Variants in IBA57 observed in about 807,000 individuals in gnomAD.
IBA57 encodes the protein iron-sulfur cluster assembly factor IBA57, also known as iron-sulfur cluster assembly factor IBA57, mitochondrial.
In IBA57, 20 loss-of-function variants were observed where a neutral mutation model predicts 20.4. The observed-to-expected ratio is 0.98, with a 90% CI of 0.69 to 1.42. IBA57 has a LOEUF of 1.42. Ranked by LOEUF, IBA57 falls within the 40% of genes most tolerant of loss-of-function variation. The probability of loss-of-function intolerance (pLI) is 0.00; values close to 1 mark genes in which losing one functional copy is unlikely to be tolerated. For missense variants in IBA57, 608 were observed against 499.3 expected (o/e 1.22, Z -2.07); for synonymous variants, 310 against 233.9 (o/e 1.33, Z -2.97).
Position 228,177,939 on chromosome 1 carries a change from G to A in IBA57, c.*2426G>A, listed in dbSNP as rs189360542. 50 of 152,362 alleles carry A rather than the reference G, an allele frequency of 3.3e-4. No homozygotes were observed. Among genetic ancestry groups the A allele is most frequent in the African/African-American group, 1.1e-3 (45 of 41,580 alleles). The allele number at this position is 152,362 out of a possible 1,614,324, so 9.4% of individuals were successfully genotyped here. A position where few individuals can be genotyped will look rare whatever the true frequency, so the allele number is the denominator to read the frequency against. ...CTGGGATCTGCTGAGAGCTGGTGTA[G>A]CCGCTCCAAAACTGCACACTGCTTT... On this transcript the variant is annotated 3_prime_UTR_variant, in exon 3 of 3. Coordinates refer to ENST00000366711, the MANE Select transcript of IBA57 (RefSeq NM_001010867.4).
chr1:228,175,270 C>A lies in IBA57; in HGVS notation c.828C>A (p.Arg276=), dbSNP rs1261528665. 5.6e-6 allele frequency: 9 copies of A among 1,612,760 alleles called. No individual in the cohort carries two copies. In the African/African-American group the frequency reaches 6.7e-5, roughly 12 times the overall value. The change falls in exon 3 of 3, where the codon CGC becomes CGA. Residue 276 remains arginine, a synonymous_variant. Transcript: ENST00000366711. ...GCACCCACCACATGGGCGTCATCCG[C>A]AAGCGCCTCTTCCCTGTCCGGTTCT... ...TARTHHMGVI[R]KRLFPVRFLD...
rs1383081166 is a variant in IBA57, at chr1:228,181,613, C to T, written c.*6100C>T. ...GTTGTGTGTACATACATTTTCCTGT[C>T]TTTCTGGTAAGCCCCTGGGGTGGAG... is the stretch of plus-strand genomic sequence containing the variant. On this transcript the variant is annotated 3_prime_UTR_variant, in exon 3 of 3. Transcript: ENST00000366711. 3 of 152,248 alleles carry T rather than the reference C, an allele frequency of 2.0e-5. No individual in the cohort carries two copies. The highest frequency in any genetic ancestry group is 4.4e-5 in the Non-Finnish European group (3 of 68,054). The allele number at this position is 152,248 out of a possible 1,614,324, so 9.4% of individuals were successfully genotyped here. A position where few individuals can be genotyped will look rare whatever the true frequency, so the allele number is the denominator to read the frequency against.
At chr1:228,168,673 T>C (rs146991361) in intron 1 of IBA57, among the ~76,000 whole-genome samples, 1 of 152,122 alleles carries the variant, frequency 6.6e-6, no homozygotes, top group South Asian at 2.1e-4. Context: ...TTGTGCTGGG[T>C]GTCTGGTGTG....
rs906297171 is a variant in IBA57 at position 228,181,599 on chromosome 1, A to C, written c.*6086A>C. 3 of 152,240 alleles carry C rather than the reference A, an allele frequency of 2.0e-5. No homozygotes were observed. The highest frequency in any genetic ancestry group is 4.4e-5 in the Non-Finnish European group (3 of 68,048). 9.4% of individuals were successfully genotyped at this position (152,240 alleles called of 1,614,324 possible). A position where few individuals can be genotyped will look rare whatever the true frequency, so the allele number is the denominator to read the frequency against. ...CCACACTTGCACAGGTTGTGTGTAC[A>C]TACATTTTCCTGTCTTTCTGGTAAG... On this transcript the variant is annotated 3_prime_UTR_variant, in exon 3 of 3. Coordinates refer to ENST00000366711, the MANE Select transcript of IBA57 (RefSeq NM_001010867.4).
intron 1 of IBA57, among the ~76,000 whole-genome samples, chr1:228,166,554 T>C (rs556501647): frequency 6.6e-6 from 1 of 152,048 alleles, no homozygotes; most frequent in African/African-American, 2.4e-5. Flanking sequence ...CCCTTCTCCC[T>C]CCGCAGGGAC....
intron 1 of IBA57, 41 bp from the exon 2 acceptor site, chr1:228,174,651 A>G (rs754513594): frequency 2.0e-6 from 3 of 1,472,830 alleles, no homozygotes; most frequent in Non-Finnish European, 2.7e-6. Context: ...TGGCCCACTC[A>G]GTTGGTGAGC....
intron 1 of IBA57, among the ~76,000 whole-genome samples, chr1:228,174,162 T>C (rs1022374197): frequency 2.3e-4 from 31 of 132,348 alleles, no homozygotes; most frequent in African/African-American, 7.8e-4. Context: ...CGTGGCTCGC[T>C]GTGGGCGTGG....
chr1:228,180,209 A>G lies in IBA57; in HGVS notation c.*4696A>G, dbSNP rs2035087405. 6.7e-6 allele frequency: 1 copy of G among 148,166 alleles called. No homozygotes were observed. The highest frequency in any genetic ancestry group is 1.5e-5 in the Non-Finnish European group (1 of 67,216). The allele number at this position is 148,166 out of a possible 1,614,324, so 9.2% of individuals were successfully genotyped here. A position where few individuals can be genotyped will look rare whatever the true frequency, so the allele number is the denominator to read the frequency against. On this transcript the variant is annotated 3_prime_UTR_variant, in exon 3 of 3. Coordinates refer to ENST00000366711, the MANE Select transcript of IBA57 (RefSeq NM_001010867.4). Reference sequence around the variant, plus strand: ...AGAGGGCTAAACGCATTTTCATACCACGAAACTGCCCTCACTCCGGAGTTT... The same window carrying G: ...AGAGGGCTAAACGCATTTTCATACCGCGAAACTGCCCTCACTCCGGAGTTT...
chr1:228,180,774 GT>G lies in IBA57; in HGVS notation c.*5262del, dbSNP rs959102093. On this transcript the variant is annotated 3_prime_UTR_variant, in exon 3 of 3. Transcript: ENST00000366711. ...TGATTCTCCTGCCTCAGCCTCCTGA[GT>G]AGCAGGAACTACAGGTGTGAGTCAT... 9 of 151,012 alleles carry G rather than the reference GT, an allele frequency of 6.0e-5. No homozygotes were observed. Among genetic ancestry groups the G allele is most frequent in the Non-Finnish European group, 1.3e-4 (9 of 67,892 alleles). 9.4% of individuals were successfully genotyped at this position (151,012 alleles called of 1,614,324 possible). A position where few individuals can be genotyped will look rare whatever the true frequency, so the allele number is the denominator to read the frequency against.
intron 1 of IBA57, among the ~76,000 whole-genome samples, chr1:228,169,599 T>G (rs576112831): frequency 2.3e-4 from 35 of 152,302 alleles, no homozygotes; most frequent in African/African-American, 8.4e-4. Context: ...GCTTGGTGTG[T>G]TCATGAGTTA....
Position 228,175,275 on chromosome 1 carries a change from G to A in IBA57, c.833G>A (p.Arg278His), listed in dbSNP as rs751210041. The change falls in exon 3 of 3, where the codon CGC (arginine) becomes CAC (histidine). Residue 278 changes from arginine to histidine, a missense_variant. Arg to His is a conservative substitution (Grantham distance 29). Coordinates refer to ENST00000366711, the MANE Select transcript of IBA57 (RefSeq NM_001010867.4). The part of the protein sequence containing the change: ...RTHHMGVIRK[R>H]LFPVRFLDPL... ...CACCACATGGGCGTCATCCGCAAGC[G>A]CCTCTTCCCTGTCCGGTTCTTGGAC... The A allele has an allele frequency of 1.2e-6, 2 of 1,612,832 alleles. No homozygotes were observed. Among genetic ancestry groups the A allele is most frequent in the African/African-American group, 2.7e-5 (2 of 75,026 alleles).
intron 1 of IBA57, among the ~76,000 whole-genome samples, chr1:228,173,972 G>C (rs2034963158): frequency 6.6e-6 from 1 of 152,194 alleles, no homozygotes; most frequent in Non-Finnish European, 1.5e-5. Flanking sequence ...TCCATGCGCT[G>C]GTCCAGGTGT....
In IBA57 at chr1:228,180,406, T is replaced by C. The variant is rs2035090861; in HGVS notation, c.*4893T>C. ...TTAGAATGCCTACTTTTGGAGTTTA[T>C]AAAAAAGATGCCACATGTTGAGTTG... On this transcript the variant is annotated 3_prime_UTR_variant, in exon 3 of 3. Transcript: ENST00000366711. 6.6e-6 allele frequency: 1 copy of C among 152,052 alleles called. No individual in the cohort carries two copies. Among genetic ancestry groups the C allele is most frequent in the Non-Finnish European group, 1.5e-5 (1 of 68,024 alleles). The allele number at this position is 152,052 out of a possible 1,614,324, so 9.4% of individuals were successfully genotyped here. A position where few individuals can be genotyped will look rare whatever the true frequency, so the allele number is the denominator to read the frequency against.
In IBA57 at chr1:228,165,958, T is replaced by C; in HGVS notation, c.142T>C (p.Trp48Arg). 6.6e-7 allele frequency: 1 copy of C among 1,513,654 alleles called. No homozygotes were observed. Among genetic ancestry groups the C allele is most frequent in the Admixed American group, 2.0e-5 (1 of 49,102 alleles). 93.8% of individuals were successfully genotyped at this position (1,513,654 alleles called of 1,614,324 possible). ...PGGDPTAGAA[W>R]ACFRLDGRTL... ...TGGCGACCCAACGGCCGGAGCGGCC[T>C]GGGCCTGCTTCCGGCTGGACGGGCG... Residue 48 changes from tryptophan (W) to arginine (R), a missense_variant, in exon 1 of 3, where the codon TGG becomes CGG. By Grantham distance (101) the Trp-to-Arg change is moderately radical (BLOSUM62 -3). Coordinates refer to ENST00000366711, the MANE Select transcript of IBA57 (RefSeq NM_001010867.4).
rs150502985 is a variant in IBA57 at position 228,181,139 on chromosome 1, G to A, written c.*5626G>A. ...TCTCCAAGGGCGGAGTTAATGTTAT[G>A]AAAGGGTAAGTCCAGCCCGCTTGTG... On this transcript the variant is annotated 3_prime_UTR_variant, in exon 3 of 3. Transcript: ENST00000366711. 7.1e-3 allele frequency: 1,076 copies of A among 152,292 alleles called. 9 individuals carry two copies. Among genetic ancestry groups the A allele is most frequent in the Non-Finnish European group, 0.011 (744 of 68,058 alleles). The allele number at this position is 152,292 out of a possible 1,614,324, so 9.4% of individuals were successfully genotyped here. A position where few individuals can be genotyped will look rare whatever the true frequency, so the allele number is the denominator to read the frequency against.
At position 228,175,606 on chromosome 1, in the gene IBA57, C is replaced by T. The variant is rs1310785650; in HGVS notation, c.*93C>T. The T allele has an allele frequency of 2.3e-5, 33 of 1,431,196 alleles. No homozygotes were observed. The highest frequency in any genetic ancestry group is 9.9e-5 in the Admixed American group (4 of 40,596). 88.7% of individuals were successfully genotyped at this position (1,431,196 alleles called of 1,614,324 possible). ...GTCTTCCCGTCCCATCTGTCTGCTG[C>T]GCCTACTGGGTGGGAGCCCTGGTTT... On this transcript the variant is annotated 3_prime_UTR_variant, in exon 3 of 3. Coordinates refer to ENST00000366711, the MANE Select transcript of IBA57 (RefSeq NM_001010867.4).
rs1418248080 is a variant in IBA57, at chr1:228,175,417, G to A, written c.975G>A (p.Glu325=). 1 of 1,612,938 alleles carries A rather than the reference G, an allele frequency of 6.2e-7. No homozygotes were observed. Among genetic ancestry groups the A allele is most frequent in the East Asian group, 2.2e-5 (1 of 44,882 alleles). The change falls in exon 3 of 3, where the codon GAG becomes GAA. Residue 325 remains glutamate, a synonymous_variant. Coordinates refer to ENST00000366711, the MANE Select transcript of IBA57 (RefSeq NM_001010867.4). ...TGGGGCTGGCCCTGCTGTGGTCAGA[G>A]AAGATCAAGGGTCCTCTGCACATCA... ...GNVGLALLWS[E]KIKGPLHIRA... is the part of the protein sequence containing the mutation.
In IBA57 at chr1:228,181,776, G is replaced by C. The variant is rs1223875449; in HGVS notation, c.*6263G>C. ...TGCGTCCTCGCCAGCGCTTGGTGCT[G>C]TCAGTCTTCTTAGTTTCCATTTAGA... On this transcript the variant is annotated 3_prime_UTR_variant, in exon 3 of 3. Coordinates refer to ENST00000366711, the MANE Select transcript of IBA57 (RefSeq NM_001010867.4). 6.6e-6 allele frequency: 1 copy of C among 152,262 alleles called. No individual in the cohort carries two copies. Among genetic ancestry groups the C allele is most frequent in the Non-Finnish European group, 1.5e-5 (1 of 68,054 alleles). 9.4% of individuals were successfully genotyped at this position (152,262 alleles called of 1,614,324 possible). A position where few individuals can be genotyped will look rare whatever the true frequency, so the allele number is the denominator to read the frequency against.
At chr1:228,175,098 G>T in intron 2 of IBA57, 24 bp from the exon 3 acceptor site, 3 of 1,601,632 alleles carry the variant, frequency 1.9e-6, no homozygotes, top group East Asian at 4.5e-5. Flanking sequence ...ATTCTCGCTG[G>T]TTTCCCCCCT....
Sources: gnomAD v4.1 joint callset for allele counts (sites outside exome capture counted in the v4.1 genomes callset) on GRCh38, gnomAD v4.1.1 for gene constraint, MANE v1.5 for transcripts, NCBI Gene and HGNC (gene_info 2026-07-23, HGNC 2026-07-21) for gene names.